Variants in PCDHA9 observed in about 807,000 individuals in gnomAD.
The protein encoded by PCDHA9 is protocadherin alpha 9.
A neutral mutation model predicts 62.0 loss-of-function variants in PCDHA9; 62 were observed. That is an observed-to-expected ratio of 1.00 (90% CI 0.81 to 1.23). The LOEUF is 1.23. Among genes scored for constraint, PCDHA9 ranks in the 50% most tolerant of loss-of-function variants. PCDHA9 has a pLI of 0.00. For synonymous variants in PCDHA9, 557 were observed against 567.6 expected, an observed-to-expected ratio of 0.98 and a Z score of 0.27; for missense variants, 1,205 against 1,249.8, an observed-to-expected ratio of 0.96 and a Z score of 0.54.
At chr5:140,996,591 T>TC (rs201351256) in intron 3 of PCDHA9, among the ~76,000 whole-genome samples, 1,577 of 152,202 alleles carry the variant, frequency 0.01, 12 homozygotes, top group Middle Eastern at 0.058. Flanking sequence ...AAGGGCCGCC[T>TC]CCCCCCATTT....
rs1391320223 is a variant in PCDHA9, at chr5:140,927,345, C to T, written c.2395-51604C>T. The T allele has an allele frequency of 1.2e-6, 2 of 1,614,012 alleles. 1 individual carries two copies. On this transcript the variant is annotated intron_variant, in intron 1 of 3. Transcript: ENST00000532602. The stretch of plus-strand genomic sequence containing the variant: ...TTACTCTCCCGAATGCCCAAGATGA[C>T]GACGAGGGAAGCAATGGGATACTAA...
At position 141,010,447 on chromosome 5, in the gene PCDHA9, A is replaced by G. The variant is rs1343052000; in HGVS notation, c.*510A>G. On this transcript the variant is annotated 3_prime_UTR_variant, in exon 4 of 4. Coordinates refer to ENST00000532602, the MANE Select transcript of PCDHA9 (RefSeq NM_031857.2). Reference sequence around the variant, plus strand: ...GGCAAGAAAACAAAGACAAATAAACAGCGGAAGTTATCAGTATGGAGGGGA... The same window carrying G: ...GGCAAGAAAACAAAGACAAATAAACGGCGGAAGTTATCAGTATGGAGGGGA... 2 of 935,278 alleles carry G rather than the reference A, an allele frequency of 2.1e-6. No homozygotes were observed. Among genetic ancestry groups the G allele is most frequent in the Non-Finnish European group, 3.1e-6 (2 of 648,428 alleles). The allele number at this position is 935,278 out of a possible 1,614,324, so 57.9% of individuals were successfully genotyped here.
chr5:140,890,350 T>C (rs1199144948), intron 1 of PCDHA9, among the ~76,000 whole-genome samples: 1 of 152,186 alleles, frequency 6.6e-6, no homozygotes, highest in Non-Finnish European at 1.5e-5. Flanking sequence ...GTTTACTATA[T>C]AGCAATGGAT....
chr5:140,886,498 C>T (rs1415505049), intron 1 of PCDHA9, among the ~76,000 whole-genome samples: 1 of 151,920 alleles, frequency 6.6e-6, no homozygotes, highest in African/African-American at 2.4e-5. Context: ...ATATCTTTTT[C>T]CTTTTATGGA....
At chr5:140,989,317 C>G (rs184467267) in intron 3 of PCDHA9, among the ~76,000 whole-genome samples, 2 of 152,126 alleles carry the variant, frequency 1.3e-5, no homozygotes, top group Non-Finnish European at 2.9e-5. Context: ...TAGGGTCTCA[C>G]CAACTTTGCC....
At chr5:140,888,394 C>T (rs1554183448) in intron 1 of PCDHA9, among the ~76,000 whole-genome samples, 2 of 152,134 alleles carry the variant, frequency 1.3e-5, no homozygotes, top group African/African-American at 2.4e-5. Flanking sequence ...TGCTAAACAC[C>T]ATCCAATTGC....
intron 1 of PCDHA9, chr5:140,969,117 A>C (rs1554231477): frequency 6.2e-7 from 1 of 1,614,178 alleles, no homozygotes; most frequent in Admixed American, 1.7e-5. Flanking sequence ...GTTCGAGGGA[A>C]TGGCTCCCTC....
chr5:140,904,747 A>T (rs1462923024), intron 1 of PCDHA9, among the ~76,000 whole-genome samples: 1 of 151,918 alleles, frequency 6.6e-6, no homozygotes, highest in Non-Finnish European at 1.5e-5. Context: ...TATTATGACC[A>T]TTTTTGCAAG....
At chr5:140,948,136 T>C (rs2094216707) in intron 1 of PCDHA9, among the ~76,000 whole-genome samples, 1 of 151,776 alleles carries the variant, frequency 6.6e-6, no homozygotes, top group African/African-American at 2.4e-5. Flanking sequence ...ATTACACTAA[T>C]TGATTTTTGA....
At chr5:140,965,848 C>T (rs2095941298) in intron 1 of PCDHA9, among the ~76,000 whole-genome samples, 1 of 152,178 alleles carries the variant, frequency 6.6e-6, no homozygotes, top group Non-Finnish European at 1.5e-5. Context: ...TTTGCCAAGG[C>T]ACACACTGAA....
intron 1 of PCDHA9, chr5:140,883,838 GA>G: frequency 6.2e-7 from 1 of 1,612,738 alleles, no homozygotes; most frequent in Non-Finnish European, 8.5e-7. Context: ...GCAGCCGTTG[GA>G]CCACGAGGAG....
chr5:140,894,827 T>G (rs2064691411), intron 1 of PCDHA9, among the ~76,000 whole-genome samples: 1 of 152,192 alleles, frequency 6.6e-6, no homozygotes, highest in South Asian at 2.1e-4. Flanking sequence ...TTGCCCATAA[T>G]CCTTTTCTTA....
At chr5:140,898,706 G>T (rs1554188200) in intron 1 of PCDHA9, among the ~76,000 whole-genome samples, 1 of 152,170 alleles carries the variant, frequency 6.6e-6, no homozygotes, top group Admixed American at 6.5e-5. Context: ...CTTTAAAGTA[G>T]TTTTTTCCAA....
rs1554262487 is a variant in PCDHA9, at chr5:141,009,847, G to T, written c.2763G>T (p.Glu921Asp). ...TCATAACCTTCGGCAAAAAGGAGGA[G>T]ACCAAGAAAAAGAAGAAAAAGAAGA... ...SDFITFGKKE[E>D]TKKKKKKKKG... Residue 921 changes from glutamate (E) to aspartate (D), a missense_variant, in exon 4 of 4, where the codon GAG (glutamate) becomes GAT (aspartate). Glu to Asp is a conservative substitution (Grantham distance 45). Coordinates refer to ENST00000532602, the MANE Select transcript of PCDHA9 (RefSeq NM_031857.2). 1 of 1,613,870 alleles carries T rather than the reference G, an allele frequency of 6.2e-7. No homozygotes were observed. Among genetic ancestry groups the T allele is most frequent in the Non-Finnish European group, 8.5e-7 (1 of 1,180,010 alleles).
chr5:140,909,767 G>A (rs114075983), intron 1 of PCDHA9, among the ~76,000 whole-genome samples: 11,557 of 152,088 alleles, frequency 0.076, 504 homozygotes, highest in Middle Eastern at 0.14. Context: ...TGAGTCCAGG[G>A]ACCCACTGGA....
chr5:140,869,176 G>C lies in PCDHA9; in HGVS notation c.2394+18287G>C, dbSNP rs200962401. The C allele has an allele frequency of 2.8e-5, 45 of 1,613,986 alleles. No individual in the cohort carries two copies. The East Asian group carries it at 9.6e-4, about 34-fold the overall frequency. On this transcript the variant is annotated intron_variant, in intron 1 of 3. Coordinates refer to ENST00000532602, the MANE Select transcript of PCDHA9 (RefSeq NM_031857.2). Reference sequence around the variant, plus strand: ...CTGGCTTCTCCTCCTCGAATTCTGGGAGGTGGGGAGCGGCCAGCTCCACTA... The same window carrying C: ...CTGGCTTCTCCTCCTCGAATTCTGGCAGGTGGGGAGCGGCCAGCTCCACTA...
intron 1 of PCDHA9, among the ~76,000 whole-genome samples, chr5:140,914,530 C>T (rs1305035760): frequency 1.3e-5 from 2 of 152,096 alleles, no homozygotes; most frequent in African/African-American, 2.4e-5. Flanking sequence ...ATCCATTCAG[C>T]CACTTTATTT....
At chr5:140,914,578 A>T (rs1858296) in intron 1 of PCDHA9, among the ~76,000 whole-genome samples, 49,681 of 151,930 alleles carry the variant, frequency 0.33, 8,403 homozygotes, top group East Asian at 0.53. Flanking sequence ...ACATTCAATA[A>T]TTTCATTTAA....
rs1554206991 is a variant in PCDHA9, at chr5:140,929,323, A to G, written c.2395-49626A>G. 4 of 1,540,320 alleles carry G rather than the reference A, an allele frequency of 2.6e-6. No homozygotes were observed. In the Admixed American group the frequency reaches 8.1e-5, roughly 31 times the overall value. On this transcript the variant is annotated intron_variant, in intron 1 of 3. Transcript: ENST00000532602. ...AGGGGATCACGCTAATGTCAATGCC[A>G]TGGTAAGCAAATTTTATGGAATTTG...
Sources: allele counts gnomAD v4.1 joint callset (sites outside exome capture counted in the v4.1 genomes callset), GRCh38; gene constraint gnomAD v4.1.1; transcripts MANE v1.5; gene names NCBI Gene and HGNC (gene_info 2026-07-23, HGNC 2026-07-21).